Variants in MAP2 observed in about 807,000 individuals in gnomAD.
MAP2 encodes microtubule-associated protein 2.
MAP2 carries 14 observed loss-of-function variants against 137.6 expected under a neutral mutation model. The ratio of observed to expected loss-of-function variants is 0.10; its 90% confidence interval spans 0.07 to 0.16. The LOEUF (loss-of-function observed/expected upper bound fraction) is 0.16. MAP2 is among the 10% of genes least tolerant of loss of function. The pLI is 1.00. For synonymous variants in MAP2, 786 were observed against 782.3 expected, an observed-to-expected ratio of 1.00 and a Z score of -0.08; for missense variants, 2,088 against 2,191.5, an observed-to-expected ratio of 0.95 and a Z score of 0.94.
At chr2:209,682,005 G>T (rs2153691176) in intron 7 of MAP2, among the ~76,000 whole-genome samples, 1 of 152,050 alleles carries the variant, frequency 6.6e-6, no homozygotes, top group South Asian at 2.1e-4. Context: ...AGGAATAAAA[G>T]AAACTTTGGG....
At chr2:209,586,142 C>T (rs16843209) in intron 3 of MAP2, among the ~76,000 whole-genome samples, 2,645 of 152,084 alleles carry the variant, frequency 0.017, 85 homozygotes, top group African/African-American at 0.06. Flanking sequence ...GAGTCCGGAA[C>T]TCAAAGAAAA....
chr2:209,702,407 T>G (rs1161200619), intron 11 of MAP2, among the ~76,000 whole-genome samples: 1 of 152,038 alleles, frequency 6.6e-6, no homozygotes, highest in Non-Finnish European at 1.5e-5. Flanking sequence ...GTAACTTTTA[T>G]TTGATTTAGC....
intron 1 of MAP2, among the ~76,000 whole-genome samples, chr2:209,461,637 A>G (rs953360810): frequency 2.6e-5 from 4 of 152,000 alleles, no homozygotes; most frequent in African/African-American, 9.7e-5. Context: ...TTCAGTGGAG[A>G]CGGGGTTTCT....
intron 9 of MAP2, 36 bp from the exon 10 acceptor site, chr2:209,696,881 C>T: frequency 6.3e-7 from 1 of 1,577,422 alleles, no homozygotes; most frequent in Admixed American, 2.0e-5. Flanking sequence ...TTTATTTTTT[C>T]CTGATGGTAT....
At chr2:209,574,470 G>A (rs944956030) in intron 2 of MAP2, among the ~76,000 whole-genome samples, 3 of 147,854 alleles carry the variant, frequency 2.0e-5, no homozygotes, top group Non-Finnish European at 4.4e-5. Flanking sequence ...CAGACACAGA[G>A]ATTATGGTTT....
intron 3 of MAP2, among the ~76,000 whole-genome samples, chr2:209,590,775 G>T (rs1283367041): frequency 6.6e-6 from 1 of 152,116 alleles, no homozygotes; most frequent in Admixed American, 6.6e-5. Flanking sequence ...TGATTGAAGA[G>T]TGCTGCTCTG....
chr2:209,593,914 T>TTATA (rs1331913614), intron 3 of MAP2, among the ~76,000 whole-genome samples: 12 of 131,056 alleles, frequency 9.2e-5, no homozygotes, highest in Non-Finnish European at 1.9e-4. Flanking sequence ...AAGTATATAT[T>TTATA]TATATTATTA....
At chr2:209,515,695 A>G (rs371445395) in intron 2 of MAP2, among the ~76,000 whole-genome samples, 193 of 152,240 alleles carry the variant, frequency 1.3e-3, no homozygotes, top group South Asian at 3.1e-3. Context: ...GAGGCAAACC[A>G]TATCAGTAGG....
chr2:209,599,307 C>G (rs559769382), intron 3 of MAP2, among the ~76,000 whole-genome samples: 5 of 151,534 alleles, frequency 3.3e-5, no homozygotes, highest in African/African-American at 1.2e-4. Flanking sequence ...TTGTTTTTTT[C>G]TTGTAAATTT....
At chr2:209,456,621 C>G (rs1701599834) in intron 1 of MAP2, among the ~76,000 whole-genome samples, 1 of 152,180 alleles carries the variant, frequency 6.6e-6, no homozygotes, top group Non-Finnish European at 1.5e-5. Context: ...AAGAGTAGCT[C>G]TACTTTCTCT....
At chr2:209,438,382 A>G (rs937846584) in intron 1 of MAP2, among the ~76,000 whole-genome samples, 1 of 151,634 alleles carries the variant, frequency 6.6e-6, no homozygotes, top group African/African-American at 2.4e-5. Flanking sequence ...ATTACAAAAT[A>G]TTTCAAAAAC....
At chr2:209,657,399 G>A (rs1182815316) in intron 5 of MAP2, among the ~76,000 whole-genome samples, 1 of 152,152 alleles carries the variant, frequency 6.6e-6, no homozygotes, top group Non-Finnish European at 1.5e-5. Context: ...CGTCAACATT[G>A]TTTAAGAGTT....
At position 209,428,126 on chromosome 2, in the gene MAP2, A is replaced by G. The variant is rs574198619; in HGVS notation, c.-222+3850A>G. On this transcript the variant is annotated intron_variant, in intron 1 of 15. Transcript: ENST00000682079. ...TTTAAAATGATGTGAACACAATTAGATGAATTTTTATGAAAAACACTTTGA... is the reference window on the plus strand; with the variant it reads ...TTTAAAATGATGTGAACACAATTAGGTGAATTTTTATGAAAAACACTTTGA... Among the ~76,000 whole-genome samples the G allele has an allele frequency of 3.3e-5, 5 of 152,332 alleles. No homozygotes were observed. The South Asian group carries it at 8.3e-4, about 25-fold the overall frequency.
intron 7 of MAP2, among the ~76,000 whole-genome samples, chr2:209,686,547 C>T (rs138471053): frequency 6.6e-6 from 1 of 152,106 alleles, no homozygotes; most frequent in East Asian, 1.9e-4. Context: ...AAATTGATAT[C>T]TCAATATAAG....
At chr2:209,516,597 T>C (rs964016816) in intron 2 of MAP2, among the ~76,000 whole-genome samples, 1 of 152,250 alleles carries the variant, frequency 6.6e-6, no homozygotes, top group Non-Finnish European at 1.5e-5. Flanking sequence ...CTTTAAAATT[T>C]ATTTAAATTT....
chr2:209,654,681 AAG>A (rs2095029664), intron 5 of MAP2, among the ~76,000 whole-genome samples: 1 of 152,120 alleles, frequency 6.6e-6, no homozygotes, highest in African/African-American at 2.4e-5. Flanking sequence ...CAGGAGCACT[AAG>A]AGGATTTTCA....
chr2:209,729,060 C>T (rs1053731644), intron 14 of MAP2, among the ~76,000 whole-genome samples: 8 of 152,158 alleles, frequency 5.3e-5, no homozygotes, highest in Non-Finnish European at 1.0e-4. Context: ...TATTTGAGAG[C>T]TTGAGAAAGA....
chr2:209,553,712 A>G (rs1362896246), intron 2 of MAP2, among the ~76,000 whole-genome samples: 1 of 152,178 alleles, frequency 6.6e-6, no homozygotes, highest in Non-Finnish European at 1.5e-5. Flanking sequence ...TATCCCTTCT[A>G]CACTTATTTA....
intron 7 of MAP2, among the ~76,000 whole-genome samples, chr2:209,687,265 AG>A (rs2057333711): frequency 6.6e-6 from 1 of 151,074 alleles, no homozygotes; most frequent in African/African-American, 2.4e-5. Flanking sequence ...ATAATCTTAC[AG>A]GCGTTAAATC....
Sources: gnomAD v4.1 joint callset for allele counts (sites outside exome capture counted in the v4.1 genomes callset) on GRCh38, gnomAD v4.1.1 for gene constraint, MANE v1.5 for transcripts, NCBI Gene and HGNC (gene_info 2026-07-23, HGNC 2026-07-21) for gene names.